PSME4: variants seen among roughly 807,000 people sequenced by gnomAD.
The protein encoded by PSME4 is proteasome activator complex subunit 4.
A neutral mutation model predicts 253.9 loss-of-function variants in PSME4; 89 were observed. That is an observed-to-expected ratio of 0.35 (90% CI 0.30 to 0.42). PSME4 has a LOEUF of 0.42. Ranked by LOEUF, PSME4 falls within the 10% of genes least tolerant of loss-of-function variation. The probability of loss-of-function intolerance (pLI) is 1.00; values close to 1 mark genes in which losing one functional copy is unlikely to be tolerated. For missense variants in PSME4, 2,014 were observed against 2,195.2 expected, an observed-to-expected ratio of 0.92 and a Z score of 1.65; for synonymous variants, 851 against 759.2, an observed-to-expected ratio of 1.12 and a Z score of -1.99.
chr2:53,927,312 T>G (rs1558691417), intron 12 of PSME4, 82 bp downstream of exon 12: 7 of 1,019,770 alleles, frequency 6.9e-6, no homozygotes, highest in Non-Finnish European at 1.1e-5. Flanking sequence ...CCAAAGTCGT[T>G]TCTAAACTGT....
intron 3 of PSME4, among the ~76,000 whole-genome samples, chr2:53,944,183 GTGTC>G (rs1177202599): frequency 2.0e-5 from 3 of 151,812 alleles, no homozygotes; most frequent in Non-Finnish European, 4.4e-5. Context: ...TTTGAGATGG[GTGTC>G]TGGCTCTGTA....
In PSME4 at chr2:53,948,499, G is replaced by A; in HGVS notation, c.422C>T (p.Pro141Leu). Residue 141 changes from proline to leucine, a missense_variant, in exon 3 of 47, where the codon CCC becomes CTC. Physicochemically the swap from Pro to Leu is moderately conservative, Grantham distance 98. Coordinates refer to ENST00000404125, the MANE Select transcript of PSME4 (RefSeq NM_014614.3). ...TACCATGTCATAAAGTGGTCTCCAGGGTAACTCCAAATCAGCTCTTGAAAG... is the reference window on the plus strand; with the variant it reads ...TACCATGTCATAAAGTGGTCTCCAGAGTAACTCCAAATCAGCTCTTGAAAG... ...ELLSRADLEL[P>L]WRPLYDMVER... 14 of 1,613,162 alleles carry A rather than the reference G, an allele frequency of 8.7e-6. No individual in the cohort carries two copies. The highest frequency in any genetic ancestry group is 1.1e-5 in the Non-Finnish European group (13 of 1,179,442).
At chr2:53,868,320 C>T (rs1020024521) in intron 44 of PSME4, among the ~76,000 whole-genome samples, 24 of 150,764 alleles carry the variant, frequency 1.6e-4, no homozygotes, top group Non-Finnish European at 4.4e-5. Context: ...GGTGTAGTAG[C>T]GCGCGCCTGC....
At chr2:53,911,053 T>C (rs1336187733) in intron 20 of PSME4, among the ~76,000 whole-genome samples, 2 of 152,212 alleles carry the variant, frequency 1.3e-5, no homozygotes, top group African/African-American at 4.8e-5. Context: ...AGCTATATTG[T>C]ATACCCTCAA....
chr2:53,881,038 A>G (rs1679365669), intron 41 of PSME4, among the ~76,000 whole-genome samples: 1 of 152,212 alleles, frequency 6.6e-6, no homozygotes, highest in South Asian at 2.1e-4. Flanking sequence ...AAGACACAAT[A>G]CTCTCAAGTA....
In PSME4 at chr2:53,940,980, T is replaced by TATACATATTTAA. The variant is rs1558414062; in HGVS notation, c.501-981_501-980insTTAAATATGTAT. Among the ~76,000 whole-genome samples, 48 of 73,268 alleles carry TATACATATTTAA rather than the reference T, an allele frequency of 6.6e-4. 1 individual carries two copies. Among genetic ancestry groups the TATACATATTTAA allele is most frequent in the African/African-American group, 1.0e-3 (27 of 26,678 alleles). The allele number at this position is 73,268 out of a possible 152,430, so 48.1% of individuals were successfully genotyped here. A position where few individuals can be genotyped will look rare whatever the true frequency, so the allele number is the denominator to read the frequency against. ...ATATATATATATATATATATATATA[T>TATACATATTTAA]ATATATATATATATATATATGAAAG... On this transcript the variant is annotated intron_variant, in intron 3 of 46. Transcript: ENST00000404125.
chr2:53,953,863 T>G (rs543289575), intron 1 of PSME4, among the ~76,000 whole-genome samples: 3 of 152,226 alleles, frequency 2.0e-5, no homozygotes, highest in Non-Finnish European at 4.4e-5. Flanking sequence ...GTGATTGATA[T>G]AGAATATTTC....
chr2:53,873,339 C>T (rs1678982607), intron 43 of PSME4, among the ~76,000 whole-genome samples: 2 of 151,640 alleles, frequency 1.3e-5, no homozygotes, highest in South Asian at 4.2e-4. Flanking sequence ...TAAATAGACT[C>T]ATTAGGGAGG....
At chr2:53,867,502 G>GA (rs35076319) in intron 44 of PSME4, among the ~76,000 whole-genome samples, 9,770 of 99,728 alleles carry the variant, frequency 0.098, 552 homozygotes, top group East Asian at 0.32. Context: ...CCGTCTCAAG[G>GA]AAAAAAAAAA....
At chr2:53,899,813 G>A in intron 29 of PSME4, 68 bp downstream of exon 29, 1 of 1,545,348 alleles carries the variant, frequency 6.5e-7, no homozygotes, top group Non-Finnish European at 8.8e-7. Context: ...GCAAGACTCT[G>A]TCTCAAAAAA....
chr2:53,932,298 C>A (rs984806422), intron 9 of PSME4, among the ~76,000 whole-genome samples, 198 bp from the exon 10 acceptor site: 1 of 151,972 alleles, frequency 6.6e-6, no homozygotes, highest in African/African-American at 2.4e-5. Context: ...AAATGAGTTT[C>A]AAATTCCAGT....
At chr2:53,923,865 G>A (rs1573300455) in intron 14 of PSME4, among the ~76,000 whole-genome samples, 2 of 143,970 alleles carry the variant, frequency 1.4e-5, no homozygotes, top group African/African-American at 5.2e-5. Flanking sequence ...GGAGGTTGCA[G>A]TGAGCCGAGA....
chr2:53,865,891 C>G (rs2104405038), intron 46 of PSME4, 194 bp downstream of exon 46: 1 of 601,848 alleles, frequency 1.7e-6, no homozygotes, highest in East Asian at 3.0e-5. Flanking sequence ...TGCTTTAAAC[C>G]TAAAGCAAGG....
At chr2:53,908,656 A>C in intron 22 of PSME4, 91 bp from the exon 23 acceptor site, 1 of 1,470,326 alleles carries the variant, frequency 6.8e-7, no homozygotes, top group South Asian at 1.3e-5. Flanking sequence ...ATTAAGAAAA[A>C]AAATCACTGC....
chr2:53,919,917 A>G (rs979122897), intron 19 of PSME4, among the ~76,000 whole-genome samples: 1 of 152,150 alleles, frequency 6.6e-6, no homozygotes, highest in Admixed American at 6.5e-5. Context: ...CAAAGGAGGC[A>G]TATCTACACA....
chr2:53,919,054 T>C, intron 20 of PSME4, 97 bp downstream of exon 20: 3 of 1,198,486 alleles, frequency 2.5e-6, no homozygotes, highest in South Asian at 1.4e-5. Context: ...GTTAAAGTGA[T>C]ACAGAAATAA....
Position 53,895,658 on chromosome 2 carries a change from A to C in PSME4, c.3767T>G (p.Ile1256Arg). Residue 1256 changes from isoleucine to arginine, a missense_variant, in exon 33 of 47, where the codon ATA (isoleucine) becomes AGA (arginine). Around this residue, in one of 4 missense-constraint regions of PSME4, gnomAD observed 989 missense variants for 1,021.1 expected, o/e 0.97. Coordinates refer to ENST00000404125, the MANE Select transcript of PSME4 (RefSeq NM_014614.3). Reference protein sequence around the residue: ...NHWLHYDSKTIPRTKKEWESS... With the variant: ...NHWLHYDSKTRPRTKKEWESS... ...CTCCCATTCTTTTTTAGTTCTTGGT[A>C]TAGTTTTGCTGTCATAATGCAACCA... 6.2e-7 allele frequency: 1 copy of C among 1,613,610 alleles called. No individual in the cohort carries two copies. The highest frequency in any genetic ancestry group is 8.5e-7 in the Non-Finnish European group (1 of 1,179,780).
intron 1 of PSME4, among the ~76,000 whole-genome samples, chr2:53,966,005 C>T (rs1036866234): frequency 6.6e-6 from 1 of 152,126 alleles, no homozygotes; most frequent in African/African-American, 2.4e-5. Flanking sequence ...ACTACTGGCA[C>T]TACATGGTGA....
intron 1 of PSME4, among the ~76,000 whole-genome samples, chr2:53,961,906 C>T (rs1046118576): frequency 1.3e-5 from 2 of 152,174 alleles, no homozygotes; most frequent in African/African-American, 2.4e-5. Context: ...CTTGCTAGAA[C>T]GGGACCTCAC....
Sources: gnomAD v4.1 joint callset for allele counts (sites outside exome capture counted in the v4.1 genomes callset) on GRCh38, gnomAD v4.1.1 for gene constraint, gnomAD v4.1.1 regional missense constraint, MANE v1.5 for transcripts, NCBI Gene and HGNC (gene_info 2026-07-23, HGNC 2026-07-21) for gene names.